TBC1D26: variants seen among roughly 807,000 people sequenced by gnomAD.
The protein encoded by TBC1D26 is TBC1 domain family member 26.
Under a neutral mutation model 42.5 loss-of-function variants are expected in TBC1D26, and 19 were observed. That is an observed-to-expected ratio of 0.45 (90% CI 0.31 to 0.66). The LOEUF is 0.66. Ranked by LOEUF, TBC1D26 falls within the 30% of genes least tolerant of loss-of-function variation. The pLI is 0.06. For missense variants in TBC1D26, 228 were observed against 332.6 expected (o/e 0.69, Z 2.45); for synonymous variants, 97 against 123.5 (o/e 0.79, Z 1.42).
rs1025354330 is a variant in TBC1D26 at position 15,737,990 on chromosome 17, T to C, written c.199-7T>C. The C allele has an allele frequency of 8.7e-6, 14 of 1,613,884 alleles. No individual in the cohort carries two copies. In the Middle Eastern group the frequency reaches 4.9e-4, roughly 57 times the overall value. On this transcript the variant is annotated splice_polypyrimidine_tract_variant and splice_region_variant and intron_variant, in intron 5 of 14. Transcript: ENST00000437605. ...CTCCGCTAACTCCATCATGGCTCAT[T>C]TGACAGCAAAGACGCAAGGAAAGTA...
intron 9 of TBC1D26, chr17:15,740,712 G>C (rs1341640602): frequency 1.8e-5 from 19 of 1,083,314 alleles, no homozygotes; most frequent in Non-Finnish European, 2.1e-5. Flanking sequence ...ATGTCCGGCA[G>C]GCAGCCCTTG....
intron 14 of TBC1D26, among the ~76,000 whole-genome samples, chr17:15,744,008 G>A (rs534703094): frequency 1.3e-5 from 2 of 152,012 alleles, no homozygotes; most frequent in South Asian, 4.2e-4. Flanking sequence ...ATCTAAAAAA[G>A]TAGGGGGCTG....
intron 4 of TBC1D26, chr17:15,736,531 C>T (rs1967618219): frequency 6.6e-6 from 1 of 151,620 alleles, no homozygotes; most frequent in Non-Finnish European, 1.5e-5. Context: ...GATTCTGCTT[C>T]CCGCTGGCTC....
At chr17:15,733,829 C>G (rs1191646262) in intron 1 of TBC1D26, 1 of 152,228 alleles carries the variant, frequency 6.6e-6, no homozygotes, top group Non-Finnish European at 1.5e-5. Flanking sequence ...CCCACCCACT[C>G]ACCTCTGTGT....
chr17:15,735,368 C>G lies in TBC1D26; in HGVS notation c.20C>G (p.Pro7Arg). ...TGCAGGATGGAGATGGATGGGGACC[C>G]GTATAACCTGCCTGCCCAGGGGCAA... MEMDGD[P>R]YNLPAQGQGN... The change falls in exon 3 of 15, where the codon CCG (proline) becomes CGG (arginine). Residue 7 changes from proline (P) to arginine (R), a missense_variant. Pro to Arg is a moderately radical substitution (Grantham distance 103, BLOSUM62 -2). Coordinates refer to ENST00000437605, the MANE Select transcript of TBC1D26 (RefSeq NM_001388465.1). 6.2e-7 allele frequency: 1 copy of G among 1,613,820 alleles called. No individual in the cohort carries two copies. The highest frequency in any genetic ancestry group is 8.5e-7 in the Non-Finnish European group (1 of 1,179,852).
chr17:15,743,189 T>C (rs1967838861), intron 13 of TBC1D26, among the ~76,000 whole-genome samples, 178 bp from the exon 14 acceptor site: 2 of 151,902 alleles, frequency 1.3e-5, no homozygotes, highest in African/African-American at 2.4e-5. Context: ...ATCAGGAGTG[T>C]GGTGAGCACT....
rs372053239 is a variant in TBC1D26, at chr17:15,738,533, G to T, written c.387+146G>T. 2.3e-5 allele frequency: 30 copies of T among 1,316,824 alleles called. 2 individuals carry two copies. The South Asian group carries it at 3.8e-4, about 17-fold the overall frequency. 81.6% of individuals were successfully genotyped at this position (1,316,824 alleles called of 1,614,324 possible). A position where few individuals can be genotyped will look rare whatever the true frequency, so the allele number is the denominator to read the frequency against. The stretch of plus-strand genomic sequence containing the variant: ...ATCCTGGGCATAGATGGTAACTCAG[G>T]CACCACAGGTGCGCTGGGCTCTGCT... On this transcript the variant is annotated intron_variant, in intron 7 of 14. Transcript: ENST00000437605.
At position 15,738,303 on chromosome 17, in the gene TBC1D26, C is replaced by A; in HGVS notation, c.303C>A (p.Val101=). The change falls in exon 7 of 15, where the codon GTC becomes GTA. Residue 101 remains valine, a synonymous_variant. Coordinates refer to ENST00000437605, the MANE Select transcript of TBC1D26 (RefSeq NM_001388465.1). ...TKKLSQRVYK[V]IPLAVRGRAW... is the part of the protein sequence containing the mutation. ...AGCTGTCTCAAAGAGTATACAAAGT[C>A]ATTCCCCTGGCGGTACGGGGCCGGG... The A allele has an allele frequency of 6.2e-7, 1 of 1,613,674 alleles. No homozygotes were observed. Among genetic ancestry groups the A allele is most frequent in the Non-Finnish European group, 8.5e-7 (1 of 1,179,966 alleles).
At chr17:15,736,233 GC>G (rs1967609257) in intron 4 of TBC1D26, among the ~76,000 whole-genome samples, 1 of 152,266 alleles carries the variant, frequency 6.6e-6, no homozygotes, top group South Asian at 2.1e-4. Flanking sequence ...GCAACTGAAG[GC>G]CCCGGGAGTG....
At chr17:15,743,310 G>A (rs1347768212) in intron 13 of TBC1D26, 57 bp from the exon 14 acceptor site, 4 of 923,978 alleles carry the variant, frequency 4.3e-6, no homozygotes, top group Non-Finnish European at 5.2e-6. Flanking sequence ...GAAATGGGGT[G>A]CAGGCACTGT....
In TBC1D26 at chr17:15,735,016, C is replaced by G. The variant is rs569967489; in HGVS notation, c.-56C>G. On this transcript the variant is annotated 5_prime_UTR_variant, in exon 2 of 15. Transcript: ENST00000437605. The stretch of plus-strand genomic sequence containing the variant: ...CCTGCCTCCAGGTGCCCAGAACAGC[C>G]CATCGTGGGGACTTCACCCTCAGCA... The G allele has an allele frequency of 5.1e-6, 2 of 394,290 alleles. No homozygotes were observed. The highest frequency in any genetic ancestry group is 9.3e-5 in the East Asian group (2 of 21,578). 24.4% of individuals were successfully genotyped at this position (394,290 alleles called of 1,614,324 possible).
chr17:15,742,688 C>T (rs558047827), intron 12 of TBC1D26, among the ~76,000 whole-genome samples: 1 of 152,330 alleles, frequency 6.6e-6, no homozygotes, highest in Non-Finnish European at 1.5e-5. Context: ...CCCAGGGAAG[C>T]CCAAGTCCTC....
chr17:15,744,703 G>A lies in TBC1D26; in HGVS notation c.*111G>A, dbSNP rs955001150. ...ACTGCAAGTTATTACGGGAGGAGGAGGAGGCCTGAAACAGCTCCTGAAAAT... is the reference window on the plus strand; with the variant it reads ...ACTGCAAGTTATTACGGGAGGAGGAAGAGGCCTGAAACAGCTCCTGAAAAT... On this transcript the variant is annotated 3_prime_UTR_variant, in exon 15 of 15. Coordinates refer to ENST00000437605, the MANE Select transcript of TBC1D26 (RefSeq NM_001388465.1). The A allele has an allele frequency of 1.3e-5, 2 of 152,204 alleles. No homozygotes were observed. The highest frequency in any genetic ancestry group is 4.8e-5 in the African/African-American group (2 of 41,440). 9.4% of individuals were successfully genotyped at this position (152,204 alleles called of 1,614,324 possible).
At chr17:15,738,571 T>C (rs3865267) in intron 7 of TBC1D26, 150 bp from the exon 8 acceptor site, 78 of 1,398,996 alleles carry the variant, frequency 5.6e-5, no homozygotes, top group African/African-American at 2.1e-4. Flanking sequence ...CCCTCCCTGG[T>C]GTCAGAAACA....
intron 9 of TBC1D26, chr17:15,740,594 C>G: frequency 9.2e-7 from 1 of 1,091,616 alleles, no homozygotes; most frequent in Non-Finnish European, 1.1e-6. Flanking sequence ...AGGGGGGTCA[C>G]CCAGGTGGCT....
chr17:15,739,555 A>T (rs1254801871), intron 8 of TBC1D26, among the ~76,000 whole-genome samples: 6 of 152,274 alleles, frequency 3.9e-5, no homozygotes, highest in African/African-American at 1.4e-4. Flanking sequence ...ATCTTAGATG[A>T]GTATTGCTGA....
Position 15,738,765 on chromosome 17 carries a change from C to T in TBC1D26, c.432C>T (p.Cys144=), listed in dbSNP as rs1967693112. 1 of 1,613,798 alleles carries T rather than the reference C, an allele frequency of 6.2e-7. No individual in the cohort carries two copies. The highest frequency in any genetic ancestry group is 8.5e-7 in the Non-Finnish European group (1 of 1,179,884). Residue 144 remains cysteine, a synonymous_variant, in exon 8 of 15, where the codon TGC becomes TGT. Transcript: ENST00000437605. The stretch of plus-strand genomic sequence containing the variant: ...AGAGGTCCTCCAGAATCATCCACTG[C>T]ATCCAGCTAGATGTCAGCCACACCC... ...KGKRSSRIIH[C]IQLDVSHTLQ...
intron 2 of TBC1D26, 127 bp from the exon 3 acceptor site, chr17:15,735,221 C>T: frequency 9.3e-7 from 1 of 1,078,632 alleles, no homozygotes; most frequent in Non-Finnish European, 1.4e-6. Flanking sequence ...TGGCCCCTGT[C>T]ATCTGGGAGG....
intron 10 of TBC1D26, chr17:15,741,514 G>A: frequency 2.0e-6 from 1 of 501,840 alleles, no homozygotes; most frequent in East Asian, 3.7e-5. Flanking sequence ...CTTTGTGCAG[G>A]CACCACTCAC....
Sources: gnomAD v4.1 joint callset for allele counts (sites outside exome capture counted in the v4.1 genomes callset) on GRCh38, gnomAD v4.1.1 for gene constraint, MANE v1.5 for transcripts, NCBI Gene and HGNC (gene_info 2026-07-23, HGNC 2026-07-21) for gene names.